VRK2: variants seen among roughly 807,000 people sequenced by gnomAD.
VRK2 encodes the protein serine/threonine-protein kinase VRK2.
VRK2 carries 60 observed loss-of-function variants against 57.6 expected under a neutral mutation model. The observed-to-expected ratio is 1.04, with a 90% confidence interval of 0.85 to 1.29. The LOEUF (loss-of-function observed/expected upper bound fraction) is 1.29. Among genes scored for constraint, VRK2 ranks in the 50% most tolerant of loss-of-function variants. The pLI is 0.00. For synonymous variants in VRK2, 231 were observed against 199.2 expected (o/e 1.16, Z -1.35); for missense variants, 705 against 588.1 (o/e 1.20, Z -2.06).
chr2:58,017,845 G>C (rs1673632635), intron 1 of VRK2, among the ~76,000 whole-genome samples: 1 of 152,048 alleles, frequency 6.6e-6, no homozygotes, highest in African/African-American at 2.4e-5. Context: ...TTAAATCTCT[G>C]TTAAGCAAAC....
intron 1 of VRK2, chr2:58,047,486 T>G (rs1675010358): frequency 2.0e-6 from 2 of 985,012 alleles, no homozygotes; most frequent in Admixed American, 6.2e-5. Flanking sequence ...TTTCGTAGAG[T>G]CTCCCTTACC....
At chr2:58,052,487 C>G (rs933587935) in intron 2 of VRK2, among the ~76,000 whole-genome samples, 2 of 151,696 alleles carry the variant, frequency 1.3e-5, no homozygotes, top group African/African-American at 4.8e-5. Flanking sequence ...GTGTGTAGTC[C>G]CAGTACTCAG....
At chr2:58,100,572 A>G (rs78008660) in intron 7 of VRK2, among the ~76,000 whole-genome samples, 83 of 151,884 alleles carry the variant, frequency 5.5e-4, no homozygotes, top group Non-Finnish European at 1.1e-3. Flanking sequence ...GAGACTTTGG[A>G]AATAGTTCCT....
chr2:58,125,602 T>C (rs1263084670), intron 8 of VRK2, among the ~76,000 whole-genome samples: 1 of 151,152 alleles, frequency 6.6e-6, no homozygotes, highest in Non-Finnish European at 1.5e-5. Flanking sequence ...GAACATTCAT[T>C]TTTATCAAAG....
intron 4 of VRK2, 116 bp downstream of exon 4, chr2:58,085,066 T>A: frequency 1.1e-6 from 1 of 888,016 alleles, no homozygotes; most frequent in Non-Finnish European, 1.7e-6. Context: ...AATTTTATTG[T>A]AAAGTGATAC....
At chr2:57,916,548 A>G (rs1313964328) in intron 1 of VRK2, among the ~76,000 whole-genome samples, 2 of 151,528 alleles carry the variant, frequency 1.3e-5, no homozygotes, top group South Asian at 2.1e-4. Context: ...GCCCAATGAT[A>G]ATAATAATAA....
chr2:58,013,746 C>G (rs1673485465), intron 1 of VRK2, among the ~76,000 whole-genome samples: 1 of 150,394 alleles, frequency 6.6e-6, no homozygotes, highest in South Asian at 2.1e-4. Flanking sequence ...GTAGTCCCAG[C>G]TACTCGGGAG....
At chr2:58,080,739 G>A (rs1670744199) in intron 2 of VRK2, among the ~76,000 whole-genome samples, 1 of 151,572 alleles carries the variant, frequency 6.6e-6, no homozygotes, top group Non-Finnish European at 1.5e-5. Context: ...TGCATCACTA[G>A]ATTCTAGGTT....
intron 1 of VRK2, among the ~76,000 whole-genome samples, chr2:57,988,895 C>A (rs1040810548): frequency 2.6e-5 from 4 of 152,100 alleles, no homozygotes; most frequent in South Asian, 2.1e-4. Flanking sequence ...TCTGGAGAAC[C>A]CTGATTAATA....
chr2:58,043,417 A>G (rs1008163028), upstream of VRK2, among the ~76,000 whole-genome samples: 38 of 152,210 alleles, frequency 2.5e-4, no homozygotes, highest in Middle Eastern at 3.2e-3. Context: ...ACCACAGTAA[A>G]GAAATTTAAC....
chr2:58,087,610 A>C (rs981008510), intron 5 of VRK2, among the ~76,000 whole-genome samples: 6 of 152,196 alleles, frequency 3.9e-5, no homozygotes, highest in African/African-American at 1.4e-4. Flanking sequence ...GCCAAACAGA[A>C]CAGAAAAGGA....
chr2:57,949,355 A>G (rs558722470), intron 1 of VRK2, among the ~76,000 whole-genome samples: 1 of 152,140 alleles, frequency 6.6e-6, no homozygotes, highest in Non-Finnish European at 1.5e-5. Flanking sequence ...CCATTTTTCC[A>G]ACAGCATGTG....
At chr2:58,007,568 C>T (rs1423164679) in intron 1 of VRK2, among the ~76,000 whole-genome samples, 1 of 152,074 alleles carries the variant, frequency 6.6e-6, no homozygotes, top group Non-Finnish European at 1.5e-5. Flanking sequence ...ATAACATTTT[C>T]TCTGCTTACT....
chr2:57,984,773 T>C (rs1247237477), intron 1 of VRK2, among the ~76,000 whole-genome samples: 1 of 152,056 alleles, frequency 6.6e-6, no homozygotes, highest in East Asian at 1.9e-4. Context: ...AAATAAATTA[T>C]ATATTTTTGG....
At chr2:57,935,717 T>TA (rs755820081) in intron 1 of VRK2, among the ~76,000 whole-genome samples, 1 of 152,106 alleles carries the variant, frequency 6.6e-6, no homozygotes, top group Non-Finnish European at 1.5e-5. Context: ...GGTGAGGTAA[T>TA]AAAAAAGTAT....
At chr2:57,973,410 G>T (rs1239551438) in intron 1 of VRK2, among the ~76,000 whole-genome samples, 5 of 151,780 alleles carry the variant, frequency 3.3e-5, no homozygotes, top group African/African-American at 4.8e-5. Context: ...ATACATAAGT[G>T]TATCAAATTT....
chr2:57,936,508 GTTT>G (rs1196472030), intron 1 of VRK2, among the ~76,000 whole-genome samples: 1 of 141,712 alleles, frequency 7.1e-6, no homozygotes, highest in Non-Finnish European at 1.5e-5. Context: ...TCATTTTTTT[GTTT>G]TGTTTTGTTT....
At chr2:58,086,450 A>C (rs1345857730) in intron 5 of VRK2, 24 bp downstream of exon 5, 1 of 1,548,830 alleles carries the variant, frequency 6.5e-7, no homozygotes, top group Non-Finnish European at 8.7e-7. Context: ...ATTATAATCA[A>C]ATATTTCTTT....
At chr2:58,126,814 A>G (rs1324744643) in intron 8 of VRK2, among the ~76,000 whole-genome samples, 2 of 152,060 alleles carry the variant, frequency 1.3e-5, no homozygotes, top group Non-Finnish European at 2.9e-5. Flanking sequence ...TCTGATAATT[A>G]AAGAGAATTA....
Sources: allele counts gnomAD v4.1 joint callset (sites outside exome capture counted in the v4.1 genomes callset), GRCh38; gene constraint gnomAD v4.1.1; transcripts MANE v1.5; gene names NCBI Gene and HGNC (gene_info 2026-07-23, HGNC 2026-07-21).